The following FAM83F variants were observed in gnomAD, a reference collection of about 807,000 sequenced individuals.
The protein encoded by FAM83F is scaffolding CK1 anchoring protein F, also known as protein FAM83F.
In FAM83F, 45 loss-of-function variants were observed where a neutral mutation model predicts 42.9. That is an observed-to-expected ratio of 1.05 (90% CI 0.83 to 1.35). The LOEUF (loss-of-function observed/expected upper bound fraction) is 1.35. Ranked by LOEUF, FAM83F falls within the 40% of genes most tolerant of loss-of-function variation. The probability of loss-of-function intolerance (pLI) is 0.00; values close to 1 mark genes in which losing one functional copy is unlikely to be tolerated. For synonymous variants in FAM83F, 306 were observed against 298.3 expected (o/e 1.03, Z -0.27); for missense variants, 617 against 695.9 (o/e 0.89, Z 1.28).
chr22:40,027,887 C>T (rs954367019), intron 4 of FAM83F, among the ~76,000 whole-genome samples: 11 of 151,264 alleles, frequency 7.3e-5, no homozygotes, highest in African/African-American at 2.2e-4. Context: ...CCAGCTACAC[C>T]GCCTCCCCTG....
At chr22:40,026,188 T>C (rs1478316305) in intron 4 of FAM83F, among the ~76,000 whole-genome samples, 2 of 152,140 alleles carry the variant, frequency 1.3e-5, no homozygotes, top group Non-Finnish European at 2.9e-5. Flanking sequence ...CATGGCCATC[T>C]CCAGAAGGCT....
In FAM83F at chr22:39,995,264, C is replaced by T. The variant is rs1248530073; in HGVS notation, c.222C>T (p.Tyr74=). ...RQALRAAWSP[Y]EDAVPAANAR... is the part of the protein sequence containing the mutation. ...CCCTGCGGGCCGCCTGGAGCCCCTA[C>T]GAGGACGCCGTCCCCGCCGCCAACG... Residue 74 remains tyrosine, a synonymous_variant, in exon 1 of 5, where the codon TAC becomes TAT. Transcript: ENST00000333407. The surrounding 1 kb of genome is among the most constrained non-coding windows in gnomAD (Gnocchi z 4.6). 5.2e-6 allele frequency: 8 copies of T among 1,535,364 alleles called. No homozygotes were observed. Among genetic ancestry groups the T allele is most frequent in the Non-Finnish European group, 6.1e-6 (7 of 1,145,920 alleles).
At chr22:39,999,542 C>T (rs2067387769) in intron 1 of FAM83F, among the ~76,000 whole-genome samples, 1 of 152,160 alleles carries the variant, frequency 6.6e-6, no homozygotes. Context: ...TCAATAGCTG[C>T]GTAAGGCAGG....
chr22:40,032,510 G>A lies in FAM83F; in HGVS notation c.*2945G>A, dbSNP rs1380825774. On this transcript the variant is annotated 3_prime_UTR_variant, in exon 5 of 5. Coordinates refer to ENST00000333407, the MANE Select transcript of FAM83F (RefSeq NM_138435.4). ...TATAGAAAGGCTAGGCAAAAAATGA[G>A]ACCCAGAGATATGGAAGAAACTGGC... The A allele has an allele frequency of 6.6e-6, 1 of 151,944 alleles. No individual in the cohort carries two copies. Among genetic ancestry groups the A allele is most frequent in the Non-Finnish European group, 1.5e-5 (1 of 68,048 alleles). 9.4% of individuals were successfully genotyped at this position (151,944 alleles called of 1,614,324 possible).
Position 39,995,357 on chromosome 22 carries a change from G to T in FAM83F, c.315G>T (p.Leu105=). 6.5e-7 allele frequency: 1 copy of T among 1,543,514 alleles called. No homozygotes were observed. ...APAPAESGES[L]AYWPDRSDTE... is the part of the protein sequence containing the mutation. ...CGCCGGCTGAGTCCGGCGAGTCCCT[G>T]GCCTACTGGCCCGACCGTTCCGACA... The change falls in exon 1 of 5, where the codon CTG becomes CTT. Residue 105 remains leucine (L), a synonymous_variant. Transcript: ENST00000333407. This position sits in a 1 kb window ranked among gnomAD's most constrained non-coding sequence, Gnocchi z 4.6.
intron 1 of FAM83F, among the ~76,000 whole-genome samples, chr22:40,002,243 G>T (rs1175928775): frequency 6.6e-6 from 1 of 152,208 alleles, no homozygotes; most frequent in Non-Finnish European, 1.5e-5. Flanking sequence ...CCCCAGGGCA[G>T]CCTGGAAAGA....
intron 1 of FAM83F, among the ~76,000 whole-genome samples, chr22:40,009,164 G>A (rs978025778): frequency 6.6e-6 from 1 of 152,166 alleles, no homozygotes; most frequent in Non-Finnish European, 1.5e-5. Flanking sequence ...GGTGTGGGAG[G>A]CGACTCGGCC....
chr22:40,024,926 G>A (rs978947868), intron 4 of FAM83F, among the ~76,000 whole-genome samples: 15 of 152,188 alleles, frequency 9.9e-5, no homozygotes, highest in Non-Finnish European at 1.6e-4. Context: ...CCAGCTGGGG[G>A]CCAGGGGTGC....
intron 1 of FAM83F, among the ~76,000 whole-genome samples, chr22:40,014,523 CTTTT>C: frequency 6.6e-6 from 1 of 152,238 alleles, no homozygotes; most frequent in East Asian, 1.9e-4. Flanking sequence ...TTTGAGTTCA[CTTTT>C]TTAAGTGAAC....
chr22:40,001,229 T>G (rs2067399824), intron 1 of FAM83F, among the ~76,000 whole-genome samples: 1 of 152,188 alleles, frequency 6.6e-6, no homozygotes, highest in South Asian at 2.1e-4. Flanking sequence ...TTGAAAGGTC[T>G]TGATTTCTGC....
Position 39,995,523 on chromosome 22 carries a change from G to T in FAM83F, c.481G>T (p.Ala161Ser), listed in dbSNP as rs1345860868. ...KQVVRQMIQQAQKVIAVVMDL... is the reference protein window; with the variant it reads ...KQVVRQMIQQSQKVIAVVMDL... ...GGTGGTCAGGCAGATGATCCAACAG[G>T]CCCAGAAGGTAGGCCCCCGCCTTCG... Residue 161 changes from alanine (A) to serine (S), a missense_variant, in exon 1 of 5, where the codon GCC becomes TCC. Transcript: ENST00000333407. This position sits in a 1 kb window ranked among gnomAD's most constrained non-coding sequence, Gnocchi z 4.6. 4 of 1,564,468 alleles carry T rather than the reference G, an allele frequency of 2.6e-6. No homozygotes were observed. The highest frequency in any genetic ancestry group is 2.3e-5 in the South Asian group (2 of 85,626).
intron 1 of FAM83F, among the ~76,000 whole-genome samples, chr22:39,999,379 C>T (rs926842933): frequency 7.2e-5 from 11 of 152,168 alleles, no homozygotes; most frequent in African/African-American, 2.7e-4. Flanking sequence ...AGAACGTTGC[C>T]TTGTGCTTTG....
Position 40,029,622 on chromosome 22 carries a change from G to T in FAM83F, c.*57G>T. The T allele has an allele frequency of 6.3e-7, 1 of 1,587,842 alleles. No homozygotes were observed. The highest frequency in any genetic ancestry group is 8.6e-7 in the Non-Finnish European group (1 of 1,166,282). On this transcript the variant is annotated 3_prime_UTR_variant, in exon 5 of 5. Coordinates refer to ENST00000333407, the MANE Select transcript of FAM83F (RefSeq NM_138435.4). ...ATGCCTGCCTGCCCTGCCCTGTGCT[G>T]TGGAGAGCGCAGGTCGCACACTGCA...
chr22:39,999,682 C>T (rs576588574), intron 1 of FAM83F, among the ~76,000 whole-genome samples: 1 of 152,214 alleles, frequency 6.6e-6, no homozygotes, highest in South Asian at 2.1e-4. Context: ...ACGCCAGTGA[C>T]CCCATGTGGA....
chr22:39,995,317 A>G lies in FAM83F; in HGVS notation c.275A>G (p.Lys92Arg). The part of the protein sequence containing the change: ...NARGKSKAKA[K>R]APAPAPAESG... The stretch of plus-strand genomic sequence containing the variant: ...CGGGGCAAGAGCAAGGCCAAGGCCA[A>G]GGCCCCCGCGCCGGCGCCGGCTGAG... The change falls in exon 1 of 5, where the codon AAG becomes AGG. Residue 92 changes from lysine to arginine, a missense_variant. Lys to Arg is a conservative substitution (Grantham distance 26). Transcript: ENST00000333407. This position sits in a 1 kb window ranked among gnomAD's most constrained non-coding sequence, Gnocchi z 4.6. 3 of 1,538,408 alleles carry G rather than the reference A, an allele frequency of 2.0e-6. No homozygotes were observed. The highest frequency in any genetic ancestry group is 2.4e-5 in the South Asian group (2 of 83,956).
In FAM83F at chr22:40,021,836, C is replaced by G. The variant is rs1379136001; in HGVS notation, c.1326C>G (p.Leu442=). ...CCGCCAGGCGCTTCAGCAGCAGGCT[C>G]TTCAGTCGCCGAGCCAAGAGGCCTG... ...AAPARRFSSR[L]FSRRAKRPAA... The change falls in exon 4 of 5, where the codon CTC becomes CTG. Residue 442 remains leucine (L), a synonymous_variant. Transcript: ENST00000333407. The surrounding 1 kb of genome is among the most constrained non-coding windows in gnomAD (Gnocchi z 8.7). The G allele has an allele frequency of 1.2e-6, 2 of 1,612,454 alleles. No individual in the cohort carries two copies. Among genetic ancestry groups the G allele is most frequent in the African/African-American group, 2.7e-5 (2 of 74,928 alleles).
Position 40,021,351 on chromosome 22 carries a change from G to A in FAM83F, c.841G>A (p.Val281Ile), listed in dbSNP as rs1320467300. 15 of 1,606,684 alleles carry A rather than the reference G, an allele frequency of 9.3e-6. No individual in the cohort carries two copies. The highest frequency in any genetic ancestry group is 2.2e-5 in the East Asian group (1 of 44,710). Residue 281 changes from valine to isoleucine, a missense_variant, in exon 4 of 5, where the codon GTA becomes ATA. Val to Ile is a conservative substitution (Grantham distance 29). Transcript: ENST00000333407. The surrounding 1 kb of genome is among the most constrained non-coding windows in gnomAD (Gnocchi z 8.7). Reference sequence around the variant, plus strand: ...CCTCCTGCTCCTGACAGGACAGAACGTAGAGCCCTTTGACACGGAGTTCCG... The same window carrying A: ...CCTCCTGCTCCTGACAGGACAGAACATAGAGCCCTTTGACACGGAGTTCCG... ...NLLLLLTGQN[V>I]EPFDTEFREL...
chr22:40,011,779 T>C (rs1216960379), intron 1 of FAM83F, among the ~76,000 whole-genome samples: 1 of 152,202 alleles, frequency 6.6e-6, no homozygotes, highest in East Asian at 1.9e-4. Flanking sequence ...GACATCTAAG[T>C]CATTGCCAGC....
chr22:40,009,214 C>A (rs57880270), intron 1 of FAM83F, among the ~76,000 whole-genome samples: 2 of 152,276 alleles, frequency 1.3e-5, no homozygotes, highest in East Asian at 3.9e-4. Flanking sequence ...GAAAGTGTCC[C>A]TAGCTGCTTC....
Sources: allele counts gnomAD v4.1 joint callset (sites outside exome capture counted in the v4.1 genomes callset), GRCh38; gene constraint gnomAD v4.1.1; non-coding constraint Gnocchi (gnomAD v3.1); transcripts MANE v1.5; gene names NCBI Gene and HGNC (gene_info 2026-07-23, HGNC 2026-07-21).